ELFN1: variants seen among roughly 807,000 people sequenced by gnomAD.
ELFN1 encodes the protein protein ELFN1.
A neutral mutation model predicts 7.6 loss-of-function variants in ELFN1; 6 were observed. The ratio of observed to expected loss-of-function variants is 0.79; its 90% CI spans 0.43 to 1.56. The LOEUF (loss-of-function observed/expected upper bound fraction) is 1.56, where lower values mean the gene tolerates loss of function less well. ELFN1 is among the 40% of genes most tolerant of loss of function. The pLI, the probability that ELFN1 is intolerant of heterozygous loss-of-function variation, is 0.01. For synonymous variants in ELFN1, 657 were observed against 588.1 expected (o/e 1.12, Z -1.70); for missense variants, 1,169 against 1,232.2 (o/e 0.95, Z 0.77).
chr7:1,676,769 C>T (rs546414307), intron 1 of ELFN1, among the ~76,000 whole-genome samples: 138 of 152,298 alleles, frequency 9.1e-4, no homozygotes, highest in Non-Finnish European at 1.5e-3. Flanking sequence ...TGCAGCTGGC[C>T]GTGGGGGCTG....
intron 1 of ELFN1, among the ~76,000 whole-genome samples, chr7:1,683,966 T>C (rs973559822): frequency 6.6e-6 from 1 of 152,122 alleles, no homozygotes; most frequent in African/African-American, 2.4e-5. Context: ...CTGGGAAGCA[T>C]AGGGAGACCC....
At chr7:1,702,140 C>T (rs868492130) in intron 2 of ELFN1, among the ~76,000 whole-genome samples, 2 of 151,768 alleles carry the variant, frequency 1.3e-5, no homozygotes, top group Non-Finnish European at 2.9e-5. Context: ...AAGAGCCATC[C>T]TCGGCCGGGT....
intron 3 of ELFN1, 51 bp from the exon 4 acceptor site, chr7:1,744,253 C>T (rs1047106730): frequency 9.9e-5 from 12 of 121,574 alleles, no homozygotes; most frequent in Admixed American, 2.9e-4. Flanking sequence ...GTCCCCTGAC[C>T]GCTGTCTTCT....
At chr7:1,678,239 G>GCA (rs954638022) in intron 1 of ELFN1, among the ~76,000 whole-genome samples, 17 of 152,088 alleles carry the variant, frequency 1.1e-4, no homozygotes, top group African/African-American at 3.9e-4. Flanking sequence ...ACAGGTGCAC[G>GCA]CACACACACA....
Position 1,705,662 on chromosome 7 carries a change from C to T in ELFN1, c.-455-3429C>T, listed in dbSNP as rs1270061151. 6.6e-6 allele frequency among the ~76,000 whole-genome samples: 1 copy of T among 152,224 alleles called. No homozygotes were observed. Among genetic ancestry groups the T allele is most frequent in the Non-Finnish European group, 1.5e-5 (1 of 68,046 alleles). ...GGCTGCTGTCCCTCTGGGCCCTTGC[C>T]CTTTCTGGCCCTGCCCTTTCTGGCT... On this transcript the variant is annotated intron_variant, in intron 2 of 3. Coordinates refer to ENST00000424383, the MANE Select transcript of ELFN1 (RefSeq NM_001128636.4). This position sits in a 1 kb window ranked among gnomAD's most constrained non-coding sequence, Gnocchi z 4.3.
Position 1,693,227 on chromosome 7 carries a change from G to A in ELFN1, c.-456+5077G>A, listed in dbSNP as rs1464627753. 16 of 409,150 alleles carry A rather than the reference G, an allele frequency of 3.9e-5. 1 individual carries two copies. Among genetic ancestry groups the A allele is most frequent in the South Asian group, 1.5e-4 (8 of 54,964 alleles). The allele number at this position is 409,150 out of a possible 1,614,324, so 25.3% of individuals were successfully genotyped here. On this transcript the variant is annotated intron_variant, in intron 2 of 3. Transcript: ENST00000424383. ...AGGCCCTGGAGATGTTCATGGCCGC[G>A]TGGACACCTTAAGAGTCCAGCAGAC...
chr7:1,691,803 C>T (rs1249192473), intron 2 of ELFN1: 5 of 152,276 alleles, frequency 3.3e-5, no homozygotes, highest in Non-Finnish European at 1.5e-5. Context: ...AAGGCTGGGC[C>T]AGGGAGCCCA....
chr7:1,704,386 C>T (rs1779487555), intron 2 of ELFN1, among the ~76,000 whole-genome samples: 1 of 152,126 alleles, frequency 6.6e-6, no homozygotes, highest in South Asian at 2.1e-4. Flanking sequence ...TCTGGAGAAC[C>T]TACAATACAC....
intron 3 of ELFN1, among the ~76,000 whole-genome samples, chr7:1,711,621 A>AGAAT (rs1430014831): frequency 1.1e-4 from 15 of 132,028 alleles, no homozygotes; most frequent in Non-Finnish European, 5.1e-5. Context: ...AGAGAGAGAG[A>AGAAT]GAGAGAATGA....
chr7:1,672,566 TGGGG>T (rs1279401160), intron 1 of ELFN1, among the ~76,000 whole-genome samples: 2 of 152,174 alleles, frequency 1.3e-5, no homozygotes, highest in Non-Finnish European at 2.9e-5. Flanking sequence ...CTGAGATCAA[TGGGG>T]TAAAATCGGA....
At position 1,695,844 on chromosome 7, in the gene ELFN1, C is replaced by A. The variant is rs1779295872; in HGVS notation, c.-456+7694C>A. 6.6e-6 allele frequency among the ~76,000 whole-genome samples: 1 copy of A among 152,008 alleles called. No individual in the cohort carries two copies. The highest frequency in any genetic ancestry group is 1.5e-5 in the Non-Finnish European group (1 of 68,024). ...ATTTACTCAGCAAATCTTGTTGGGCCCGCCAGGCCCTAGGGTTACCAGACA... is the reference window on the plus strand; with the variant it reads ...ATTTACTCAGCAAATCTTGTTGGGCACGCCAGGCCCTAGGGTTACCAGACA... On this transcript the variant is annotated intron_variant, in intron 2 of 3. Coordinates refer to ENST00000424383, the MANE Select transcript of ELFN1 (RefSeq NM_001128636.4). The surrounding 1 kb of genome is among the most constrained non-coding windows in gnomAD (Gnocchi z 5.1).
In ELFN1 at chr7:1,746,510, C is replaced by T. The variant is rs1300562465; in HGVS notation, c.1914C>T (p.Ala638=). ...HSVEAAGPPR[A]STSSSGSVRS... is the part of the protein sequence containing the mutation. ...TGGAGGCCGCCGGGCCCCCTCGTGC[C>T]AGCACCTCGTCCAGCGGCTCCGTGC... The change falls in exon 4 of 4, where the codon GCC becomes GCT. Residue 638 remains alanine, a synonymous_variant. Coordinates refer to ENST00000424383, the MANE Select transcript of ELFN1 (RefSeq NM_001128636.4). 1 of 1,479,990 alleles carries T rather than the reference C, an allele frequency of 6.8e-7. No homozygotes were observed. Among genetic ancestry groups the T allele is most frequent in the East Asian group, 2.7e-5 (1 of 37,544 alleles). 91.7% of individuals were successfully genotyped at this position (1,479,990 alleles called of 1,614,324 possible).
chr7:1,727,607 G>A (rs983723265), intron 3 of ELFN1, among the ~76,000 whole-genome samples: 2 of 152,074 alleles, frequency 1.3e-5, no homozygotes, highest in African/African-American at 2.4e-5. Flanking sequence ...TATTCTGTCT[G>A]CCTGGATGCT....
intron 3 of ELFN1, among the ~76,000 whole-genome samples, chr7:1,710,556 G>A (rs1329813022): frequency 2.0e-5 from 3 of 152,234 alleles, no homozygotes; most frequent in African/African-American, 7.2e-5. Flanking sequence ...TCCAATTTGG[G>A]AGGCCCTCAA....
chr7:1,700,368 G>A (rs1239979795), intron 2 of ELFN1, among the ~76,000 whole-genome samples: 1 of 152,218 alleles, frequency 6.6e-6, no homozygotes, highest in African/African-American at 2.4e-5. Context: ...CCAGAGCTCT[G>A]TCATTCCTGA....
intron 3 of ELFN1, among the ~76,000 whole-genome samples, chr7:1,722,518 C>G (rs181529823): frequency 1.3e-5 from 2 of 151,918 alleles, no homozygotes; most frequent in Non-Finnish European, 2.9e-5. Context: ...ATCCACCCCC[C>G]GCTCAGCCTC....
At chr7:1,725,441 C>T (rs1379293153) in intron 3 of ELFN1, among the ~76,000 whole-genome samples, 7 of 138,402 alleles carry the variant, frequency 5.1e-5, no homozygotes, top group Non-Finnish European at 9.1e-5. Context: ...GAGGCGGGAG[C>T]GAGACAGACG....
Position 1,705,370 on chromosome 7 carries a change from C to T in ELFN1, c.-455-3721C>T, listed in dbSNP as rs188753993. Among the ~76,000 whole-genome samples, 2 of 152,306 alleles carry T rather than the reference C, an allele frequency of 1.3e-5. No homozygotes were observed. Among genetic ancestry groups the T allele is most frequent in the African/African-American group, 2.4e-5 (1 of 41,562 alleles). On this transcript the variant is annotated intron_variant, in intron 2 of 3. Transcript: ENST00000424383. The surrounding 1 kb of genome is among the most constrained non-coding windows in gnomAD (Gnocchi z 4.3). ...TTGAAATGCAAATGTCAAGTTTGGGCGCCTTCATTTTTCCAACCCTCTCAC... is the reference window on the plus strand; with the variant it reads ...TTGAAATGCAAATGTCAAGTTTGGGTGCCTTCATTTTTCCAACCCTCTCAC...
At chr7:1,675,301 A>G (rs964610028) in intron 1 of ELFN1, among the ~76,000 whole-genome samples, 1 of 152,188 alleles carries the variant, frequency 6.6e-6, no homozygotes, top group South Asian at 2.1e-4. Context: ...AGCGCTGGAC[A>G]TGTGGCCAGG....
Sources: allele counts gnomAD v4.1 joint callset (sites outside exome capture counted in the v4.1 genomes callset), GRCh38; gene constraint gnomAD v4.1.1; non-coding constraint Gnocchi (gnomAD v3.1); transcripts MANE v1.5; gene names NCBI Gene and HGNC (gene_info 2026-07-23, HGNC 2026-07-21).